Variants in RFX7 observed in about 807,000 individuals in gnomAD.
RFX7 encodes regulatory factor X7, also known as DNA-binding protein RFX7.
RFX7 carries 26 observed loss-of-function variants against 111.8 expected under a neutral mutation model. That is an observed-to-expected ratio of 0.23 (90% CI 0.17 to 0.32). The LOEUF is 0.32. Among genes scored for constraint, RFX7 ranks in the 10% least tolerant of loss-of-function variants. The pLI, the probability that RFX7 is intolerant of heterozygous loss-of-function variation, is 1.00. For missense variants in RFX7, 1,573 were observed against 1,772.9 expected, an observed-to-expected ratio of 0.89 and a Z score of 2.02; for synonymous variants, 624 against 624.4, an observed-to-expected ratio of 1.00 and a Z score of 0.01.
At chr15:56,143,388 T>C (rs1440602736) in intron 4 of RFX7, among the ~76,000 whole-genome samples, 2 of 151,938 alleles carry the variant, frequency 1.3e-5, no homozygotes, top group Admixed American at 6.6e-5. Flanking sequence ...TATATGTATA[T>C]ATAACTACTT....
chr15:56,109,625 C>A (rs1346036401), intron 5 of RFX7, among the ~76,000 whole-genome samples: 2 of 151,880 alleles, frequency 1.3e-5, no homozygotes, highest in African/African-American at 4.8e-5. Flanking sequence ...TGCCGCCATC[C>A]CATCTAGGAA....
intron 2 of RFX7, among the ~76,000 whole-genome samples, chr15:56,196,050 A>C (rs1485076920): frequency 2.6e-5 from 4 of 152,190 alleles, no homozygotes; most frequent in African/African-American, 7.2e-5. Flanking sequence ...CTGATATTTG[A>C]TTACTAGATC....
At chr15:56,101,617 A>C in intron 7 of RFX7, 51 bp from the exon 8 acceptor site, 3 of 1,461,900 alleles carry the variant, frequency 2.1e-6, no homozygotes, top group South Asian at 2.3e-5. Flanking sequence ...AGAGAAATTA[A>C]ATTGAAGCAT....
intron 5 of RFX7, among the ~76,000 whole-genome samples, chr15:56,105,193 T>C (rs986210100): frequency 6.6e-6 from 1 of 152,326 alleles, no homozygotes; most frequent in Middle Eastern, 3.4e-3. Context: ...TGCTTAAATT[T>C]TATGATTTTT....
intron 2 of RFX7, among the ~76,000 whole-genome samples, chr15:56,218,400 G>A (rs2043389187): frequency 6.6e-6 from 1 of 152,042 alleles, no homozygotes; most frequent in Admixed American, 6.6e-5. Context: ...CCAAAGTGCT[G>A]GGATTACAGG....
At chr15:56,240,580 G>C (rs1477584372) in intron 2 of RFX7, among the ~76,000 whole-genome samples, 1 of 152,112 alleles carries the variant, frequency 6.6e-6, no homozygotes, top group Non-Finnish European at 1.5e-5. Context: ...TATTTGTAGA[G>C]TAGGAGGACA....
rs1374998393 is a variant in RFX7 at position 56,243,170 on chromosome 15, C to T, written c.116G>A (p.Gly39Glu). The change falls in exon 2 of 10, where the codon GGG becomes GAG. Residue 39 changes from glycine (G) to glutamate (E), a missense_variant. By Grantham distance (98) the Gly-to-Glu change is moderately conservative. Around this residue, in one of 7 missense-constraint regions of RFX7, gnomAD observed 191 missense variants for 194.2 expected, o/e 0.98. Coordinates refer to ENST00000559447, the MANE Select transcript of RFX7 (RefSeq NM_022841.7). The stretch of plus-strand genomic sequence containing the variant: ...GTGTTGCAGCGCGCTGGCCTCTGTC[C>T]CTGGCAGCCCGGGCACAAGGGCTGG... ...ALPALVPGLP[G>E]TEASALQHKI... 1 of 1,357,834 alleles carries T rather than the reference C, an allele frequency of 7.4e-7. No individual in the cohort carries two copies. Among genetic ancestry groups the T allele is most frequent in the Admixed American group, 1.9e-5 (1 of 51,510 alleles). The allele number at this position is 1,357,834 out of a possible 1,614,324, so 84.1% of individuals were successfully genotyped here.
intron 2 of RFX7, among the ~76,000 whole-genome samples, chr15:56,201,253 C>T: frequency 6.6e-6 from 1 of 152,064 alleles, no homozygotes; most frequent in East Asian, 1.9e-4. Flanking sequence ...CAAATCTGGT[C>T]CAAAAAATAA....
chr15:56,164,585 A>C (rs1269643144), intron 3 of RFX7, among the ~76,000 whole-genome samples: 3 of 152,186 alleles, frequency 2.0e-5, no homozygotes, highest in African/African-American at 7.2e-5. Context: ...GAAATTCCAC[A>C]CAGATAACCA....
intron 2 of RFX7, among the ~76,000 whole-genome samples, chr15:56,180,180 T>C (rs1191616633): frequency 6.6e-6 from 1 of 152,214 alleles, no homozygotes; most frequent in African/African-American, 2.4e-5. Flanking sequence ...TTATTTGCCT[T>C]TGTATGTAGC....
At chr15:56,120,608 T>C (rs2042064761) in intron 5 of RFX7, among the ~76,000 whole-genome samples, 1 of 152,218 alleles carries the variant, frequency 6.6e-6, no homozygotes, top group Admixed American at 6.5e-5. Context: ...TCTTTCAGTA[T>C]GATACTAGCT....
chr15:56,244,548 C>G (rs888838774), upstream of RFX7, among the ~76,000 whole-genome samples: 4 of 152,104 alleles, frequency 2.6e-5, no homozygotes, highest in Non-Finnish European at 5.9e-5. Context: ...TTCCTTCGTG[C>G]CTTTGCTCAT....
chr15:56,232,023 CT>C (rs1419191201), intron 2 of RFX7, among the ~76,000 whole-genome samples: 1 of 152,212 alleles, frequency 6.6e-6, no homozygotes, highest in Non-Finnish European at 1.5e-5. Flanking sequence ...GGCTCCGCCC[CT>C]GTGGCTTTGC....
chr15:56,131,260 A>G (rs1305100493), intron 5 of RFX7, among the ~76,000 whole-genome samples: 3 of 141,476 alleles, frequency 2.1e-5, no homozygotes, highest in Non-Finnish European at 4.6e-5. Context: ...ATAAGAGATT[A>G]TATTAGGTAT....
intron 2 of RFX7, among the ~76,000 whole-genome samples, chr15:56,192,080 T>A (rs1397954255): frequency 6.6e-6 from 1 of 152,150 alleles, no homozygotes; most frequent in East Asian, 1.9e-4. Context: ...AATGACAGCA[T>A]TTGTTCCAAA....
At chr15:56,101,954 G>A (rs978787458) in intron 7 of RFX7, among the ~76,000 whole-genome samples, 19 of 151,958 alleles carry the variant, frequency 1.3e-4, no homozygotes, top group African/African-American at 3.9e-4. Flanking sequence ...TGGAAATATC[G>A]AGAAATCAGT....
chr15:56,107,744 A>G (rs2041851034), intron 5 of RFX7, among the ~76,000 whole-genome samples: 1 of 152,210 alleles, frequency 6.6e-6, no homozygotes, highest in Non-Finnish European at 1.5e-5. Context: ...CTAATTGATA[A>G]CTATAAGCAT....
intron 3 of RFX7, among the ~76,000 whole-genome samples, chr15:56,155,290 T>A (rs1470671108): frequency 6.6e-6 from 1 of 151,910 alleles, no homozygotes; most frequent in Non-Finnish European, 1.5e-5. Context: ...CCATAAATCA[T>A]TCTACAATAA....
intron 5 of RFX7, among the ~76,000 whole-genome samples, chr15:56,136,485 G>T (rs1318182480): frequency 3.0e-5 from 4 of 133,966 alleles, no homozygotes; most frequent in African/African-American, 1.1e-4. Context: ...AGACTTTGCT[G>T]AAGTTGCTTA....
Sources: allele counts gnomAD v4.1 joint callset (sites outside exome capture counted in the v4.1 genomes callset), GRCh38; gene constraint gnomAD v4.1.1; regional missense constraint gnomAD v4.1.1; transcripts MANE v1.5; gene names NCBI Gene and HGNC (gene_info 2026-07-23, HGNC 2026-07-21).